Variants in AKAP6 observed in about 807,000 individuals in gnomAD.
AKAP6 encodes the protein A-kinase anchor protein 6.
A neutral mutation model predicts 188.5 loss-of-function variants in AKAP6; 58 were observed. The observed-to-expected ratio is 0.31, with a 90% confidence interval of 0.25 to 0.38. The LOEUF is 0.38. Among genes scored for constraint, AKAP6 ranks in the 10% least tolerant of loss-of-function variants. The pLI is 1.00. For missense variants in AKAP6, 2,710 were observed against 2,740.0 expected (o/e 0.99, Z 0.24); for synonymous variants, 989 against 998.6 (o/e 0.99, Z 0.18).
At chr14:32,804,855 A>T (rs2034048156) in intron 12 of AKAP6, among the ~76,000 whole-genome samples, 1 of 152,124 alleles carries the variant, frequency 6.6e-6, no homozygotes, top group Non-Finnish European at 1.5e-5. Context: ...CTAGGAAAAG[A>T]ATTTAGAGAT....
chr14:32,663,402 TG>T (rs1888786866), intron 7 of AKAP6, among the ~76,000 whole-genome samples: 1 of 152,080 alleles, frequency 6.6e-6, no homozygotes, highest in Admixed American at 6.6e-5. Flanking sequence ...CAGGAATCTG[TG>T]GGTGATGTCA....
At chr14:32,623,249 C>A (rs1886886098) in intron 7 of AKAP6, among the ~76,000 whole-genome samples, 1 of 152,104 alleles carries the variant, frequency 6.6e-6, no homozygotes, top group South Asian at 2.1e-4. Context: ...AGTGGGAAAT[C>A]ATTATTATGA....
intron 4 of AKAP6, among the ~76,000 whole-genome samples, chr14:32,574,698 T>C (rs1884645129): frequency 6.6e-6 from 1 of 152,198 alleles, no homozygotes; most frequent in South Asian, 2.1e-4. Context: ...AACCAATTTA[T>C]ATGTACAGAT....
intron 7 of AKAP6, among the ~76,000 whole-genome samples, chr14:32,629,520 A>G (rs897392163): frequency 1.4e-4 from 21 of 149,206 alleles, no homozygotes; most frequent in African/African-American, 5.2e-4. Context: ...AAGAGCCTGT[A>G]GAACTGGGCG....
rs543250317 is a variant in AKAP6, at chr14:32,783,186, G to A, written c.3588+9293G>A. 3.9e-5 allele frequency among the ~76,000 whole-genome samples: 6 copies of A among 152,084 alleles called. No homozygotes were observed. In the South Asian group the frequency reaches 1.0e-3, roughly 26 times the overall value. ...GATAGTCTTTTGAACAAATGATCCT[G>A]GAACAATTGAATTTCCATATGCACA... On this transcript the variant is annotated intron_variant, in intron 12 of 13. Transcript: ENST00000280979.
chr14:32,773,384 T>C (rs1326300439), intron 11 of AKAP6, among the ~76,000 whole-genome samples: 1 of 152,182 alleles, frequency 6.6e-6, no homozygotes, highest in Non-Finnish European at 1.5e-5. Context: ...ACCTAAATGA[T>C]TTATTTCATT....
At chr14:32,391,125 A>G (rs540426531) in intron 1 of AKAP6, among the ~76,000 whole-genome samples, 1 of 152,262 alleles carries the variant, frequency 6.6e-6, no homozygotes, top group African/African-American at 2.4e-5. Flanking sequence ...CTTTAATAGG[A>G]ACTTTGTTAA....
At position 32,535,573 on chromosome 14, in the gene AKAP6, C is replaced by A; in HGVS notation, c.344C>A (p.Ser115Tyr). ...VQLKDICEDI[S>Y]DHVEQIHALL... is the part of the protein sequence containing the mutation. The stretch of plus-strand genomic sequence containing the variant: ...CTGCAGGACATTTGTGAAGATATTT[C>A]TGATCATGTTGAGCAAATCCATGCC... The change falls in exon 3 of 14, where the codon TCT becomes TAT. Residue 115 changes from serine to tyrosine, a missense_variant. Coordinates refer to ENST00000280979, the MANE Select transcript of AKAP6 (RefSeq NM_004274.5). 1 of 1,613,642 alleles carries A rather than the reference C, an allele frequency of 6.2e-7. No individual in the cohort carries two copies. Among genetic ancestry groups the A allele is most frequent in the Non-Finnish European group, 8.5e-7 (1 of 1,179,616 alleles).
chr14:32,753,470 G>A (rs2032215263), intron 11 of AKAP6, among the ~76,000 whole-genome samples: 1 of 152,090 alleles, frequency 6.6e-6, no homozygotes, highest in African/African-American at 2.4e-5. Flanking sequence ...CATTCAGTAG[G>A]TTGTCTTTTC....
At chr14:32,585,672 A>G (rs1885202725) in intron 5 of AKAP6, among the ~76,000 whole-genome samples, 1 of 152,210 alleles carries the variant, frequency 6.6e-6, no homozygotes, top group African/African-American at 2.4e-5. Flanking sequence ...AACAATTTTA[A>G]TCAGTAAACT....
intron 12 of AKAP6, among the ~76,000 whole-genome samples, chr14:32,788,275 A>G (rs531749682): frequency 1.4e-4 from 22 of 152,132 alleles, no homozygotes; most frequent in Non-Finnish European, 2.5e-4. Flanking sequence ...GATCATGGCA[A>G]ATTATTTAAC....
intron 7 of AKAP6, chr14:32,628,111 AC>A (rs1378581268): frequency 6.6e-6 from 1 of 152,122 alleles, no homozygotes; most frequent in African/African-American, 2.4e-5. Flanking sequence ...AAGTCAAAGT[AC>A]TTGATTACAC....
At chr14:32,599,256 C>T (rs1246085069) in intron 5 of AKAP6, among the ~76,000 whole-genome samples, 154 bp from the exon 6 acceptor site, 1 of 152,120 alleles carries the variant, frequency 6.6e-6, no homozygotes, top group African/African-American at 2.4e-5. Context: ...GAGCCCAGAT[C>T]CCAAATATCA....
chr14:32,573,008 A>C (rs1009729624), intron 4 of AKAP6, among the ~76,000 whole-genome samples: 1 of 152,134 alleles, frequency 6.6e-6, no homozygotes, highest in African/African-American at 2.4e-5. Context: ...GGAGCATGAC[A>C]AAGAAGGAAA....
intron 2 of AKAP6, among the ~76,000 whole-genome samples, chr14:32,465,529 T>C (rs1450113068): frequency 6.6e-6 from 1 of 152,174 alleles, no homozygotes; most frequent in African/African-American, 2.4e-5. Context: ...GAAAACTGGC[T>C]AGCCATATGT....
rs556967040 is a variant in AKAP6 at position 32,403,687 on chromosome 14, A to G, written c.-34-29773A>G. 6.2e-4 allele frequency among the ~76,000 whole-genome samples: 94 copies of G among 152,238 alleles called. 1 individual carries two copies. Among genetic ancestry groups the G allele is most frequent in the Non-Finnish European group, 4.9e-4 (33 of 68,040 alleles). Reference sequence around the variant, plus strand: ...CTCTCAGGGTTGCTCTGAGGATTAAATGAATCAATGCATGAAAAACATTTA... The same window carrying G: ...CTCTCAGGGTTGCTCTGAGGATTAAGTGAATCAATGCATGAAAAACATTTA... On this transcript the variant is annotated intron_variant, in intron 1 of 13. Coordinates refer to ENST00000280979, the MANE Select transcript of AKAP6 (RefSeq NM_004274.5).
intron 11 of AKAP6, among the ~76,000 whole-genome samples, chr14:32,744,749 T>G (rs1307500475): frequency 6.6e-6 from 1 of 152,212 alleles, no homozygotes; most frequent in East Asian, 1.9e-4. Flanking sequence ...ACTCTTAGAT[T>G]GGCCCTTTTG....
intron 1 of AKAP6, among the ~76,000 whole-genome samples, chr14:32,340,022 A>G (rs996497837): frequency 4.0e-5 from 6 of 149,660 alleles, no homozygotes; most frequent in Non-Finnish European, 7.4e-5. Flanking sequence ...ACAGTATCCT[A>G]TTTTTAGAAT....
chr14:32,534,964 T>TAA (rs1183676680), intron 2 of AKAP6, among the ~76,000 whole-genome samples: 3 of 46,606 alleles, frequency 6.4e-5, no homozygotes, highest in Admixed American at 2.5e-4. Flanking sequence ...AAACTCTATC[T>TAA]AAAAAAAAAA....
Sources: gnomAD v4.1 joint callset for allele counts (sites outside exome capture counted in the v4.1 genomes callset) on GRCh38, gnomAD v4.1.1 for gene constraint, MANE v1.5 for transcripts, NCBI Gene and HGNC (gene_info 2026-07-23, HGNC 2026-07-21) for gene names.